SMG6: variants seen among roughly 807,000 people sequenced by gnomAD.
SMG6 encodes the protein SMG6 nonsense mediated mRNA decay factor.
In SMG6, 66 loss-of-function variants were observed where a neutral mutation model predicts 142.2. That is an observed-to-expected ratio of 0.46 (90% CI 0.38 to 0.57). The LOEUF is 0.57. Among genes scored for constraint, SMG6 ranks in the 20% least tolerant of loss-of-function variants. The pLI is 0.00. For missense variants in SMG6, 1,793 were observed against 1,832.0 expected, an observed-to-expected ratio of 0.98 and a Z score of 0.39; for synonymous variants, 779 against 702.4, an observed-to-expected ratio of 1.11 and a Z score of -1.72.
rs2075207974 is a variant in SMG6, at chr17:2,299,000, G to A, written c.1753C>T (p.Leu585Phe). The A allele has an allele frequency of 6.2e-7, 1 of 1,614,184 alleles. No homozygotes were observed. The highest frequency in any genetic ancestry group is 1.7e-5 in the Admixed American group (1 of 60,024). ...NLQQQELHRL[L>F]RVADNQELQL... is the part of the protein sequence containing the mutation. ...AGTTCCTGGTTGTCAGCCACCCGGA[G>A]AAGCCTGTGCAGCTCCTGTTGCTGC... The change falls in exon 2 of 19, where the codon CTC (leucine) becomes TTC (phenylalanine). Residue 585 changes from leucine (L) to phenylalanine (F), a missense_variant. Leu to Phe is a conservative substitution (Grantham distance 22). Coordinates refer to ENST00000263073, the MANE Select transcript of SMG6 (RefSeq NM_017575.5).
intron 13 of SMG6, chr17:2,127,496 T>C (rs1229906556): frequency 2.8e-6 from 2 of 704,558 alleles, no homozygotes; most frequent in East Asian, 6.9e-5. Context: ...AAATATTTAA[T>C]ATTATCAAGC....
At chr17:2,076,570 C>T (rs2068264982) in intron 15 of SMG6, among the ~76,000 whole-genome samples, 1 of 152,188 alleles carries the variant, frequency 6.6e-6, no homozygotes, top group Non-Finnish European at 1.5e-5. Flanking sequence ...CTTCACCGGC[C>T]CTGTTTTACA....
At chr17:2,255,457 A>G (rs945440793) in intron 8 of SMG6, among the ~76,000 whole-genome samples, 1 of 150,140 alleles carries the variant, frequency 6.7e-6, no homozygotes, top group Admixed American at 6.7e-5. Context: ...AAGCCACTGA[A>G]GGGTTTTCAG....
intron 13 of SMG6, among the ~76,000 whole-genome samples, chr17:2,103,100 G>A (rs2069057152): frequency 6.6e-6 from 1 of 152,198 alleles, no homozygotes; most frequent in Non-Finnish European, 1.5e-5. Context: ...GTGAACCTGG[G>A]AGTCCAGACA....
chr17:2,197,597 C>T (rs934368383), intron 10 of SMG6, among the ~76,000 whole-genome samples: 3 of 151,408 alleles, frequency 2.0e-5, no homozygotes, highest in Non-Finnish European at 4.4e-5. Flanking sequence ...TAAACACAAA[C>T]CAAAAAACAA....
intron 13 of SMG6, among the ~76,000 whole-genome samples, chr17:2,118,995 G>T (rs544319282): frequency 4.6e-5 from 7 of 151,376 alleles, no homozygotes; most frequent in Non-Finnish European, 8.8e-5. Flanking sequence ...CCGTCTCCCG[G>T]TTCAAGCAAT....
chr17:2,213,426 T>G (rs995448492), intron 10 of SMG6, among the ~76,000 whole-genome samples: 6 of 152,182 alleles, frequency 3.9e-5, no homozygotes, highest in African/African-American at 1.4e-4. Context: ...CGCTAGGCCC[T>G]GATGCCGCAG....
At chr17:2,284,963 T>A (rs1209633272) in intron 6 of SMG6, among the ~76,000 whole-genome samples, 1 of 152,180 alleles carries the variant, frequency 6.6e-6, no homozygotes, top group East Asian at 1.9e-4. Context: ...CTATAAAATA[T>A]TTTTTCATAT....
intron 15 of SMG6, among the ~76,000 whole-genome samples, chr17:2,075,439 G>A (rs2068230718): frequency 6.6e-6 from 1 of 152,204 alleles, no homozygotes; most frequent in African/African-American, 2.4e-5. Flanking sequence ...AGCCTGTTAT[G>A]TTTCAGGTGG....
At chr17:2,171,356 AGTGT>A (rs10601842) in intron 13 of SMG6, among the ~76,000 whole-genome samples, 2,217 of 149,318 alleles carry the variant, frequency 0.015, 60 homozygotes, top group African/African-American at 0.048. Context: ...AAAATGAAAG[AGTGT>A]GTGTGTGTGT....
At chr17:2,183,385 AAC>A (rs2071867684) in intron 12 of SMG6, among the ~76,000 whole-genome samples, 2 of 152,184 alleles carry the variant, frequency 1.3e-5, no homozygotes, top group Non-Finnish European at 2.9e-5. Context: ...TACAAACATG[AAC>A]ACACACAGTG....
At chr17:2,267,465 C>T (rs566509261) in intron 8 of SMG6, among the ~76,000 whole-genome samples, 5 of 151,986 alleles carry the variant, frequency 3.3e-5, no homozygotes, top group Admixed American at 2.6e-4. Flanking sequence ...CCCAATGTGC[C>T]GGGATTATAC....
At chr17:2,261,328 G>A (rs758998334) in intron 8 of SMG6, among the ~76,000 whole-genome samples, 1 of 151,752 alleles carries the variant, frequency 6.6e-6, no homozygotes, top group Non-Finnish European at 1.5e-5. Context: ...AAAAAAAAAG[G>A]GAAGAGAAGA....
At chr17:2,229,545 A>G (rs917018115) in intron 10 of SMG6, 3 of 152,202 alleles carry the variant, frequency 2.0e-5, no homozygotes, top group African/African-American at 7.2e-5. Context: ...TTCCTCATCT[A>G]TGAAACAGGA....
intron 10 of SMG6, among the ~76,000 whole-genome samples, chr17:2,194,063 T>C (rs2072244924): frequency 6.6e-6 from 1 of 152,158 alleles, no homozygotes; most frequent in African/African-American, 2.4e-5. Flanking sequence ...AGTGCTGGGA[T>C]TACAGGCATG....
intron 13 of SMG6, 114 bp downstream of exon 13, chr17:2,172,544 C>A: frequency 9.0e-7 from 1 of 1,116,644 alleles, no homozygotes; most frequent in Non-Finnish European, 1.3e-6. Context: ...CCCTTAACAC[C>A]CTTCTCAATG....
intron 8 of SMG6, among the ~76,000 whole-genome samples, chr17:2,248,113 AAAAAAT>A (rs1478290796): frequency 6.6e-6 from 1 of 152,158 alleles, no homozygotes; most frequent in Non-Finnish European, 1.5e-5. Flanking sequence ...CTCAAAAAAT[AAAAAAT>A]AAAAATAAAA....
chr17:2,120,935 C>A (rs150553246), intron 13 of SMG6, among the ~76,000 whole-genome samples: 1 of 151,808 alleles, frequency 6.6e-6, no homozygotes, highest in Non-Finnish European at 1.5e-5. Flanking sequence ...TTGGGCCACG[C>A]GTAAAATATA....
chr17:2,255,266 T>C (rs2074140950), intron 8 of SMG6, among the ~76,000 whole-genome samples: 2 of 149,550 alleles, frequency 1.3e-5, no homozygotes, highest in South Asian at 4.2e-4. Flanking sequence ...TAGCCGGGCG[T>C]GGTGGCGGGC....
Sources: allele counts gnomAD v4.1 joint callset (sites outside exome capture counted in the v4.1 genomes callset), GRCh38; gene constraint gnomAD v4.1.1; transcripts MANE v1.5; gene names NCBI Gene and HGNC (gene_info 2026-07-23, HGNC 2026-07-21).